SNX25: variants seen among roughly 807,000 people sequenced by gnomAD.
SNX25 encodes sorting nexin-25.
SNX25 carries 62 observed loss-of-function variants against 113.7 expected under a neutral mutation model. The ratio of observed to expected loss-of-function variants is 0.55; its 90% CI spans 0.44 to 0.67. SNX25 has a LOEUF of 0.67. SNX25 is among the 30% of genes least tolerant of loss of function. The pLI, the probability that SNX25 is intolerant of heterozygous loss-of-function variation, is 0.00. For synonymous variants in SNX25, 421 were observed against 436.2 expected (o/e 0.97, Z 0.43); for missense variants, 1,014 against 1,161.0 (o/e 0.87, Z 1.84).
chr4:185,270,452 A>G (rs926167530), intron 5 of SNX25, among the ~76,000 whole-genome samples: 2 of 152,264 alleles, frequency 1.3e-5, no homozygotes, highest in Admixed American at 6.5e-5. Flanking sequence ...CCTGGGAAGC[A>G]GGCCCTTTGG....
chr4:185,360,950 T>TATATATATATATAGATATAGATAG (rs1048534398), intron 16 of SNX25, among the ~76,000 whole-genome samples: 3 of 141,760 alleles, frequency 2.1e-5, no homozygotes, highest in African/African-American at 8.0e-5. Flanking sequence ...TATATATATA[T>TATATATATATATAGATATAGATAG]ATAGAATCTG....
intron 7 of SNX25, among the ~76,000 whole-genome samples, chr4:185,316,770 A>G (rs771147277): frequency 1.2e-4 from 18 of 152,160 alleles, no homozygotes; most frequent in Non-Finnish European, 2.5e-4. Flanking sequence ...TTCTGTTGAT[A>G]CTGGAGTTGT....
At chr4:185,244,283 G>T (rs1489466146) in intron 1 of SNX25, among the ~76,000 whole-genome samples, 6 of 152,174 alleles carry the variant, frequency 3.9e-5, no homozygotes, top group Non-Finnish European at 8.8e-5. Context: ...GTGAGCCACC[G>T]CACCCGGCCA....
chr4:185,355,432 G>C (rs2095334793), intron 15 of SNX25, among the ~76,000 whole-genome samples: 1 of 152,136 alleles, frequency 6.6e-6, no homozygotes, highest in Non-Finnish European at 1.5e-5. Flanking sequence ...AACCATATCA[G>C]ATACAGATTC....
chr4:185,267,473 G>A (rs1748284396), intron 5 of SNX25, among the ~76,000 whole-genome samples: 1 of 152,090 alleles, frequency 6.6e-6, no homozygotes, highest in South Asian at 2.1e-4. Context: ...CAAAAGTGCT[G>A]TAATCCCAGC....
At position 185,283,440 on chromosome 4, in the gene SNX25, A is replaced by G. The variant is rs984747235; in HGVS notation, c.1092-4572A>G. On this transcript the variant is annotated intron_variant, in intron 5 of 18. Transcript: ENST00000652585. ...AAGGAGAAGGAGAAATATTACTGAGAAGGGAGTCAGGAAAGACCTGGAGTG... is the reference window on the plus strand; with the variant it reads ...AAGGAGAAGGAGAAATATTACTGAGGAGGGAGTCAGGAAAGACCTGGAGTG... Among the ~76,000 whole-genome samples, 4 of 152,264 alleles carry G rather than the reference A, an allele frequency of 2.6e-5. No homozygotes were observed. In the South Asian group the frequency reaches 8.3e-4, roughly 32 times the overall value.
Position 185,320,724 on chromosome 4 carries a change from T to C in SNX25, c.1345-9T>C. On this transcript the variant is annotated splice_polypyrimidine_tract_variant and intron_variant, in intron 7 of 18. Transcript: ENST00000652585. ...TTTTAAAAAAAGTTTTCTTAAATTC[T>C]CTTAATAGATTCTTCAGTTTGAAGA... 1 of 1,482,406 alleles carries C rather than the reference T, an allele frequency of 6.7e-7. No homozygotes were observed. Among genetic ancestry groups the C allele is most frequent in the Non-Finnish European group, 9.0e-7 (1 of 1,114,050 alleles). The allele number at this position is 1,482,406 out of a possible 1,614,324, so 91.8% of individuals were successfully genotyped here. A position where few individuals can be genotyped will look rare whatever the true frequency, so the allele number is the denominator to read the frequency against.
chr4:185,369,731 T>C (rs1319828453), intron 11 of SNX25: 1 of 439,402 alleles, frequency 2.3e-6, no homozygotes, highest in South Asian at 1.7e-5. Context: ...CAAACTTACC[T>C]GACATTGGAA....
intron 6 of SNX25, among the ~76,000 whole-genome samples, chr4:185,306,317 T>C (rs372731910): frequency 3.9e-4 from 60 of 152,400 alleles, no homozygotes; most frequent in African/African-American, 1.3e-3. Flanking sequence ...AGCAACAAGC[T>C]GCTGTTGCAT....
chr4:185,317,976 A>G (rs1158497758), intron 7 of SNX25, among the ~76,000 whole-genome samples: 2 of 152,192 alleles, frequency 1.3e-5, no homozygotes, highest in African/African-American at 4.8e-5. Flanking sequence ...GAAAATCTGA[A>G]TAGACCCTCT....
chr4:185,218,801 C>T (rs530248837), intron 1 of SNX25, among the ~76,000 whole-genome samples: 1 of 152,262 alleles, frequency 6.6e-6, no homozygotes, highest in Admixed American at 6.5e-5. Flanking sequence ...AAATATTTTA[C>T]AAATACTCAT....
intron 1 of SNX25, among the ~76,000 whole-genome samples, chr4:185,240,297 G>A (rs1160678866): frequency 6.6e-6 from 1 of 152,174 alleles, no homozygotes; most frequent in Non-Finnish European, 1.5e-5. Flanking sequence ...CTCCCAGATG[G>A]GGTGGTGGCC....
Position 185,339,382 on chromosome 4 carries a change from G to T in SNX25, c.1918G>T (p.Val640Phe), listed in dbSNP as rs751997363. The T allele has an allele frequency of 8.1e-6, 13 of 1,613,624 alleles. No individual in the cohort carries two copies. The highest frequency in any genetic ancestry group is 1.3e-5 in the African/African-American group (1 of 74,902). Reference protein sequence around the residue: ...QNAPKPDKKIVSKLKDEIILI... With the variant: ...QNAPKPDKKIFSKLKDEIILI... ...CAGGATATTTTCCCTGTGGCAGATT[G>T]TTTCCAAGTTGAAGGATGAAATAAT... The change falls in exon 11 of 19, where the codon GTT (valine) becomes TTT (phenylalanine). Residue 640 changes from valine to phenylalanine, a missense_variant. Physicochemically the swap from Val to Phe is conservative, Grantham distance 50. Transcript: ENST00000652585.
At chr4:185,366,620 C>T (rs1211297523), downstream of SNX25, 1 of 152,156 alleles carries the variant, frequency 6.6e-6, no homozygotes, top group Non-Finnish European at 1.5e-5. Context: ...AGAAATGCTG[C>T]ACACACTTAT....
At chr4:185,208,725 AAAAAAAAG>A (rs1560884711), upstream of SNX25, among the ~76,000 whole-genome samples, 1 of 149,836 alleles carries the variant, frequency 6.7e-6, no homozygotes, top group East Asian at 1.9e-4. Context: ...CTCCGTCTCA[AAAAAAAAG>A]AAAAAAAGAA....
At chr4:185,273,198 A>T (rs1749197624) in intron 5 of SNX25, among the ~76,000 whole-genome samples, 1 of 152,202 alleles carries the variant, frequency 6.6e-6, no homozygotes, top group Non-Finnish European at 1.5e-5. Flanking sequence ...ATGGCATCCA[A>T]AGTATAGCAG....
chr4:185,351,640 T>A, intron 14 of SNX25, 31 bp downstream of exon 14: 1 of 1,606,992 alleles, frequency 6.2e-7, no homozygotes, highest in Non-Finnish European at 8.5e-7. Context: ...ACCACTTTTG[T>A]AGTGTATTTC....
intron 1 of SNX25, 112 bp from the exon 2 acceptor site, chr4:185,247,182 T>C (rs1423583821): frequency 1.1e-5 from 8 of 702,816 alleles, no homozygotes; most frequent in Non-Finnish European, 1.9e-5. Flanking sequence ...CTGTTATTCG[T>C]TAAGCCTTAT....
chr4:185,302,403 A>G (rs1381324498), intron 6 of SNX25, among the ~76,000 whole-genome samples: 1 of 151,520 alleles, frequency 6.6e-6, no homozygotes, highest in Non-Finnish European at 1.5e-5. Context: ...TGGGGACTGA[A>G]CCCTCCCCCT....
Sources: allele counts gnomAD v4.1 joint callset (sites outside exome capture counted in the v4.1 genomes callset), GRCh38; gene constraint gnomAD v4.1.1; transcripts MANE v1.5; gene names NCBI Gene and HGNC (gene_info 2026-07-23, HGNC 2026-07-21).